The following CLDN7 variants were observed in gnomAD, a reference collection of about 807,000 sequenced individuals.
The protein encoded by CLDN7 is claudin 7, also known as claudin-7.
In CLDN7, 15 loss-of-function variants were observed where a neutral mutation model predicts 20.3. That is an observed-to-expected ratio of 0.74 (90% confidence interval 0.49 to 1.14). The LOEUF (loss-of-function observed/expected upper bound fraction) is 1.14. Among genes scored for constraint, CLDN7 ranks in the 50% most tolerant of loss-of-function variants. CLDN7 has a pLI of 0.00. For synonymous variants in CLDN7, 117 were observed against 106.1 expected (o/e 1.10, Z -0.63); for missense variants, 261 against 274.2 (o/e 0.95, Z 0.34).
At position 7,260,287 on chromosome 17, in the gene CLDN7, C is replaced by T. The variant is rs1009749031; in HGVS notation, c.*87G>A. ...GACCAGGAGGCCTTTGTCCGGCACC[C>T]TGCCCACAGGCTGAGCTCAGCCCCA... On this transcript the variant is annotated 3_prime_UTR_variant, in exon 4 of 4. Coordinates refer to ENST00000360325, the MANE Select transcript of CLDN7 (RefSeq NM_001307.6). 1 of 1,439,232 alleles carries T rather than the reference C, an allele frequency of 6.9e-7. No homozygotes were observed. The highest frequency in any genetic ancestry group is 1.4e-5 in the African/African-American group (1 of 70,170). The allele number at this position is 1,439,232 out of a possible 1,614,324, so 89.2% of individuals were successfully genotyped here.
At position 7,260,352 on chromosome 17, in the gene CLDN7, G is replaced by T; in HGVS notation, c.*22C>A. On this transcript the variant is annotated 3_prime_UTR_variant, in exon 4 of 4. Coordinates refer to ENST00000360325, the MANE Select transcript of CLDN7 (RefSeq NM_001307.6). ...TCTAGACACTCCCATAGCCTGTCAG[G>T]CTGGGGCAAGGAGATCCCAGGTCAC... 6.3e-7 allele frequency: 1 copy of T among 1,585,864 alleles called. No individual in the cohort carries two copies. The highest frequency in any genetic ancestry group is 2.2e-5 in the East Asian group (1 of 44,668).
rs1223748449 is a variant in CLDN7, at chr17:7,259,919, T to A, written c.*455A>T. 4 of 479,456 alleles carry A rather than the reference T, an allele frequency of 8.3e-6. No homozygotes were observed. The highest frequency in any genetic ancestry group is 2.0e-5 in the African/African-American group (1 of 50,376). 29.7% of individuals were successfully genotyped at this position (479,456 alleles called of 1,614,324 possible). ...ACACCCCCGTACCTAATAAAAATCT[T>A]TATTTTTTTATTAAAAAAGAAGTAC... On this transcript the variant is annotated 3_prime_UTR_variant, in exon 4 of 4. Coordinates refer to ENST00000360325, the MANE Select transcript of CLDN7 (RefSeq NM_001307.6).
chr17:7,262,433 C>G lies in CLDN7; in HGVS notation c.-390G>C. 1 of 1,075,686 alleles carries G rather than the reference C, an allele frequency of 9.3e-7. No homozygotes were observed. Among genetic ancestry groups the G allele is most frequent in the Non-Finnish European group, 1.1e-6 (1 of 883,134 alleles). 66.6% of individuals were successfully genotyped at this position (1,075,686 alleles called of 1,614,324 possible). A position where few individuals can be genotyped will look rare whatever the true frequency, so the allele number is the denominator to read the frequency against. On this transcript the variant is annotated 5_prime_UTR_variant, in exon 1 of 4. Coordinates refer to ENST00000360325, the MANE Select transcript of CLDN7 (RefSeq NM_001307.6). The surrounding 1 kb of genome is among the most constrained non-coding windows in gnomAD (Gnocchi z 6.6). ...ATCCTGGGCTGTAGGTCCGAGGCTG[C>G]GGTGCGCAGCAGAGGTGGCTCGGAG...
At position 7,260,639 on chromosome 17, in the gene CLDN7, T is replaced by G. The variant is rs1240731807; in HGVS notation, c.473+3A>C. Reference sequence around the variant, plus strand: ...CCTTAGGAGGCAGGGTTCCCAGACTTACTTAATGTTGGTAGGGATCAAAGG... The same window carrying G: ...CCTTAGGAGGCAGGGTTCCCAGACTGACTTAATGTTGGTAGGGATCAAAGG... On this transcript the variant is annotated splice_donor_region_variant and intron_variant, in intron 3 of 3. Transcript: ENST00000360325. The G allele has an allele frequency of 1.2e-5, 20 of 1,613,936 alleles. No individual in the cohort carries two copies. The highest frequency in any genetic ancestry group is 2.7e-5 in the African/African-American group (2 of 74,906).
chr17:7,260,865 T>G lies in CLDN7; in HGVS notation c.344A>C (p.Lys115Thr), dbSNP rs1265340892. The G allele has an allele frequency of 3.7e-6, 6 of 1,614,202 alleles. No homozygotes were observed. The highest frequency in any genetic ancestry group is 5.1e-6 in the Non-Finnish European group (6 of 1,180,034). The change falls in exon 2 of 4, where the codon AAG becomes ACG. Residue 115 changes from lysine (K) to threonine (T), a missense_variant. Around this residue, in one of 2 missense-constraint regions of CLDN7, gnomAD observed 215 missense variants for 199.6 expected, o/e 1.08. Coordinates refer to ENST00000360325, the MANE Select transcript of CLDN7 (RefSeq NM_001307.6). ...GCCTCCACCCATGGCTATACGGGCCTTCTTCACTTTGTCGTCTCCCCCACA... is the reference window on the plus strand; with the variant it reads ...GCCTCCACCCATGGCTATACGGGCCGTCTTCACTTTGTCGTCTCCCCCACA... ...TRCGGDDKVK[K>T]ARIAMGGGII...
chr17:7,261,771 C>A (rs1273363825), intron 1 of CLDN7, 50 bp downstream of exon 1: 1 of 1,590,780 alleles, frequency 6.3e-7, no homozygotes, highest in Non-Finnish European at 8.5e-7. Context: ...GCGCGCCACC[C>A]CGCCACCTCG....
At position 7,260,415 on chromosome 17, in the gene CLDN7, G is replaced by C. The variant is rs200370674; in HGVS notation, c.595C>G (p.Arg199Gly). The change falls in exon 4 of 4, where the codon CGC becomes GGC. Residue 199 changes from arginine (R) to glycine (G), a missense_variant. Around this residue, in one of 2 missense-constraint regions of CLDN7, gnomAD observed 215 missense variants for 199.6 expected, o/e 1.08. Coordinates refer to ENST00000360325, the MANE Select transcript of CLDN7 (RefSeq NM_001307.6). Reference protein sequence around the residue: ...NESKAGYRVPRSYPKSNSSKE... With the variant: ...NESKAGYRVPGSYPKSNSSKE... ...GAAGAGTTGGACTTAGGGTAAGAGCGGGGTACACGGTACCCAGCCTTGCTC... is the reference window on the plus strand; with the variant it reads ...GAAGAGTTGGACTTAGGGTAAGAGCCGGGTACACGGTACCCAGCCTTGCTC... 34 of 1,613,344 alleles carry C rather than the reference G, an allele frequency of 2.1e-5. No homozygotes were observed. In the Admixed American group the frequency reaches 2.7e-4, roughly 13 times the overall value.
chr17:7,260,399 G>A lies in CLDN7; in HGVS notation c.611C>T (p.Ser204Phe), dbSNP rs200179958. 3 of 1,612,196 alleles carry A rather than the reference G, an allele frequency of 1.9e-6. No homozygotes were observed. Among genetic ancestry groups the A allele is most frequent in the African/African-American group, 1.3e-5 (1 of 75,036 alleles). Residue 204 changes from serine to phenylalanine, a missense_variant, in exon 4 of 4, where the codon TCC (serine) becomes TTC (phenylalanine). Physicochemically the swap from Ser to Phe is radical, Grantham distance 155 (BLOSUM62 -2). Coordinates refer to ENST00000360325, the MANE Select transcript of CLDN7 (RefSeq NM_001307.6). ...GYRVPRSYPK[S>F]NSSKEYV The stretch of plus-strand genomic sequence containing the variant: ...TCACACATACTCCTTGGAAGAGTTG[G>A]ACTTAGGGTAAGAGCGGGGTACACG...
chr17:7,261,780 C>T (rs2072229791), intron 1 of CLDN7, 41 bp downstream of exon 1: 3 of 1,598,172 alleles, frequency 1.9e-6, no homozygotes, highest in African/African-American at 2.7e-5. Context: ...CCCGCCACCT[C>T]GGTCAAGGGC....
Position 7,260,862 on chromosome 17 carries a change from G to A in CLDN7, c.347C>T (p.Ala116Val), listed in dbSNP as rs779314588. 2 of 1,614,226 alleles carry A rather than the reference G, an allele frequency of 1.2e-6. No individual in the cohort carries two copies. The highest frequency in any genetic ancestry group is 2.2e-5 in the South Asian group (2 of 91,088). Residue 116 changes from alanine (A) to valine (V), a missense_variant, in exon 2 of 4, where the codon GCC becomes GTC. Around this residue, in one of 2 missense-constraint regions of CLDN7, gnomAD observed 215 missense variants for 199.6 expected, o/e 1.08. Coordinates refer to ENST00000360325, the MANE Select transcript of CLDN7 (RefSeq NM_001307.6). ...RCGGDDKVKK[A>V]RIAMGGGIIF... ...TATGCCTCCACCCATGGCTATACGG[G>A]CCTTCTTCACTTTGTCGTCTCCCCC...
At chr17:7,263,037 T>C, upstream of CLDN7, 1 of 169,194 alleles carries the variant, frequency 5.9e-6, no homozygotes. Flanking sequence ...GTCCCGGTTC[T>C]CTGGCTCTGC....
In CLDN7 at chr17:7,260,628, G is replaced by A. The variant is rs1004744599; in HGVS notation, c.473+14C>T. The A allele has an allele frequency of 3.1e-6, 5 of 1,613,940 alleles. No individual in the cohort carries two copies. The South Asian group carries it at 3.3e-5, about 11-fold the overall frequency. On this transcript the variant is annotated intron_variant, in intron 3 of 3. Coordinates refer to ENST00000360325, the MANE Select transcript of CLDN7 (RefSeq NM_001307.6). ...CAGACCTGTCCCCTTAGGAGGCAGG[G>A]TTCCCAGACTTACTTAATGTTGGTA...
Position 7,261,945 on chromosome 17 carries a change from G to C in CLDN7, c.99C>G (p.Ser33Arg), listed in dbSNP as rs2072233357. ...ACTAIPQWQMSSYAGDNIITA... is the reference protein window; with the variant it reads ...ACTAIPQWQMRSYAGDNIITA... ...TGATGATGTTGTCACCCGCATAGGAGCTCATCTGCCACTGCGGGATGGCGG... is the reference window on the plus strand; with the variant it reads ...TGATGATGTTGTCACCCGCATAGGACCTCATCTGCCACTGCGGGATGGCGG... Residue 33 changes from serine to arginine, a missense_variant, in exon 1 of 4, where the codon AGC becomes AGG. Physicochemically the swap from Ser to Arg is moderately radical, Grantham distance 110. Coordinates refer to ENST00000360325, the MANE Select transcript of CLDN7 (RefSeq NM_001307.6). 6.2e-7 allele frequency: 1 copy of C among 1,614,020 alleles called. No individual in the cohort carries two copies.
chr17:7,260,995 A>C lies in CLDN7; in HGVS notation c.224-10T>G, dbSNP rs576767384. ...GTGGCCTGCAAGGCCGCTGCGGGCG[A>C]GGGGAAAGGGCGCCGTCATTGCTGG... On this transcript the variant is annotated splice_polypyrimidine_tract_variant and intron_variant, in intron 1 of 3. Coordinates refer to ENST00000360325, the MANE Select transcript of CLDN7 (RefSeq NM_001307.6). 37 of 1,603,022 alleles carry C rather than the reference A, an allele frequency of 2.3e-5. No individual in the cohort carries two copies. In the South Asian group the frequency reaches 3.8e-4, roughly 16 times the overall value.
chr17:7,260,738 A>AT lies in CLDN7; in HGVS notation c.389-13dup. 6.2e-7 allele frequency: 1 copy of AT among 1,614,096 alleles called. No homozygotes were observed. The highest frequency in any genetic ancestry group is 8.5e-7 in the Non-Finnish European group (1 of 1,179,964). ...CAAGGCGGCAAGACCTGGAGACAGAATGAGGGTTTCAGTATAGTGAGGCCC... is the reference window on the plus strand; with the variant it reads ...CAAGGCGGCAAGACCTGGAGACAGAATTGAGGGTTTCAGTATAGTGAGGCCC... On this transcript the variant is annotated splice_polypyrimidine_tract_variant and intron_variant, in intron 2 of 3. Coordinates refer to ENST00000360325, the MANE Select transcript of CLDN7 (RefSeq NM_001307.6).
At position 7,259,912 on chromosome 17, in the gene CLDN7, A is replaced by C. The variant is rs1026141799; in HGVS notation, c.*462T>G. On this transcript the variant is annotated 3_prime_UTR_variant, in exon 4 of 4. Coordinates refer to ENST00000360325, the MANE Select transcript of CLDN7 (RefSeq NM_001307.6). ...GAGTAGAACACCCCCGTACCTAATA[A>C]AAATCTTTATTTTTTTATTAAAAAA... 1.3e-4 allele frequency: 67 copies of C among 515,690 alleles called. No individual in the cohort carries two copies. The highest frequency in any genetic ancestry group is 1.9e-4 in the Non-Finnish European group (61 of 323,958). 31.9% of individuals were successfully genotyped at this position (515,690 alleles called of 1,614,324 possible).
In CLDN7 at chr17:7,260,172, A is replaced by G; in HGVS notation, c.*202T>C. 2.0e-6 allele frequency: 1 copy of G among 509,424 alleles called. No homozygotes were observed. Among genetic ancestry groups the G allele is most frequent in the Non-Finnish European group, 3.4e-6 (1 of 293,810 alleles). The allele number at this position is 509,424 out of a possible 1,614,324, so 31.6% of individuals were successfully genotyped here. ...ACTTATTTTTTATTACTGTACAAAA[A>G]GCACACTCTCCCTCTTTTTGTCTCT... On this transcript the variant is annotated 3_prime_UTR_variant, in exon 4 of 4. Coordinates refer to ENST00000360325, the MANE Select transcript of CLDN7 (RefSeq NM_001307.6).
chr17:7,262,139 G>A lies in CLDN7; in HGVS notation c.-96C>T, dbSNP rs2072237158. ...GCAGCCCCACAAAAGAAAACTTGAG[G>A]TGGAGTTTTCCGGTCACCCAAAGAG... On this transcript the variant is annotated 5_prime_UTR_variant, in exon 1 of 4. Transcript: ENST00000360325. The surrounding 1 kb of genome is among the most constrained non-coding windows in gnomAD (Gnocchi z 6.6). The A allele has an allele frequency of 1.3e-6, 2 of 1,489,342 alleles. No homozygotes were observed. Among genetic ancestry groups the A allele is most frequent in the East Asian group, 2.5e-5 (1 of 40,448 alleles). 92.3% of individuals were successfully genotyped at this position (1,489,342 alleles called of 1,614,324 possible).
At chr17:7,262,856 C>T (rs796914082), upstream of CLDN7, 23 of 152,430 alleles carry the variant, frequency 1.5e-4, no homozygotes, top group African/African-American at 5.1e-4. The surrounding 1 kb of genome is among the most constrained non-coding windows in gnomAD (Gnocchi z 6.6). Flanking sequence ...TGACAAGCCT[C>T]GGCGCCGCCC....
Sources: allele counts gnomAD v4.1 joint callset, GRCh38; gene constraint gnomAD v4.1.1; regional missense constraint gnomAD v4.1.1; non-coding constraint Gnocchi (gnomAD v3.1); transcripts MANE v1.5; gene names NCBI Gene and HGNC (gene_info 2026-07-23, HGNC 2026-07-21).